SEC23A: variants seen among roughly 807,000 people sequenced by gnomAD.
SEC23A encodes SEC23 homolog A, COPII component.
Under a neutral mutation model 103.7 loss-of-function variants are expected in SEC23A, and 56 were observed. The observed-to-expected ratio is 0.54, with a 90% CI of 0.44 to 0.67. The LOEUF is 0.67. SEC23A is among the 30% of genes least tolerant of loss of function. SEC23A has a pLI of 0.00. For synonymous variants in SEC23A, 281 were observed against 293.0 expected (o/e 0.96, Z 0.42); for missense variants, 784 against 936.4 (o/e 0.84, Z 2.12).
intron 2 of SEC23A, chr14:39,095,167 T>A (rs1887841591): frequency 1.9e-6 from 1 of 521,038 alleles, no homozygotes; most frequent in Non-Finnish European, 3.4e-6. Flanking sequence ...TAGAGGTAGA[T>A]CACCCAGATT....
chr14:39,094,543 G>A (rs189459861), intron 2 of SEC23A, among the ~76,000 whole-genome samples: 12 of 149,564 alleles, frequency 8.0e-5, no homozygotes, highest in African/African-American at 2.7e-4. Flanking sequence ...GATTACAGGC[G>A]TGAGCTACTG....
chr14:39,044,394 T>C (rs1345796595), intron 16 of SEC23A, among the ~76,000 whole-genome samples: 1 of 151,988 alleles, frequency 6.6e-6, no homozygotes, highest in Non-Finnish European at 1.5e-5. Flanking sequence ...CCTAGAAAAA[T>C]AGAAACTATT....
chr14:39,047,225 A>C (rs1885869642), intron 15 of SEC23A: 1 of 305,626 alleles, frequency 3.3e-6, no homozygotes, highest in African/African-American at 2.3e-5. Flanking sequence ...CTCTCTGAAG[A>C]TCTAAAAGCC....
chr14:39,095,955 T>G lies in SEC23A; in HGVS notation c.164A>C (p.Gln55Pro). The change falls in exon 2 of 20, where the codon CAA becomes CCA. Residue 55 changes from glutamine (Q) to proline (P), a missense_variant. Physicochemically the swap from Gln to Pro is moderately conservative, Grantham distance 76. Around this residue, in one of 2 missense-constraint regions of SEC23A, gnomAD observed 683 missense variants for 774.2 expected, o/e 0.88. Coordinates refer to ENST00000307712, the MANE Select transcript of SEC23A (RefSeq NM_006364.4). ...CCTACTACACAGAACAGGTTCATAT[T>G]GAATAGGTGGTAAGTCAGGTCTCTC... ...LKERPDLPPI[Q>P]YEPVLCSRTT... 1 of 1,614,144 alleles carries G rather than the reference T, an allele frequency of 6.2e-7. No homozygotes were observed. The highest frequency in any genetic ancestry group is 8.5e-7 in the Non-Finnish European group (1 of 1,180,014).
chr14:39,094,808 G>C (rs961218296), intron 2 of SEC23A: 8 of 554,616 alleles, frequency 1.4e-5, no homozygotes, highest in Non-Finnish European at 2.5e-5. Flanking sequence ...GAGGGTAACA[G>C]GGTTAAGGTA....
chr14:39,047,532 C>T, intron 15 of SEC23A: 1 of 461,988 alleles, frequency 2.2e-6, no homozygotes, highest in Non-Finnish European at 3.3e-6. Flanking sequence ...CAGAGCAGCT[C>T]TGAAAAAGAA....
At chr14:39,045,112 T>C (rs368036142) in intron 16 of SEC23A, 51 bp downstream of exon 16, 4 of 1,521,922 alleles carry the variant, frequency 2.6e-6, no homozygotes, top group African/African-American at 1.4e-5. Flanking sequence ...ACTTTTTTAA[T>C]GCCACACATT....
intron 17 of SEC23A, 39 bp downstream of exon 17, chr14:39,042,747 A>C: frequency 5.4e-6 from 7 of 1,286,892 alleles, no homozygotes; most frequent in Non-Finnish European, 7.9e-6. Context: ...AAGTAAAAAG[A>C]CTTTACATGC....
intron 5 of SEC23A, among the ~76,000 whole-genome samples, chr14:39,089,165 C>CAAAAAAAAAAA (rs58732430): frequency 5.8e-5 from 4 of 69,334 alleles, no homozygotes; most frequent in African/African-American, 5.1e-5. Flanking sequence ...GACTCCGTGT[C>CAAAAAAAAAAA]AAAAAAAAAA....
At chr14:39,042,922 C>T (rs531626411) in intron 16 of SEC23A, 50 bp from the exon 17 acceptor site, 233 of 1,044,390 alleles carry the variant, frequency 2.2e-4, no homozygotes, top group South Asian at 2.2e-3. Context: ...AAATAATCTA[C>T]TCAATAATAT....
intron 10 of SEC23A, among the ~76,000 whole-genome samples, chr14:39,066,345 G>A (rs1886666950): frequency 6.6e-6 from 1 of 152,016 alleles, no homozygotes; most frequent in Admixed American, 6.6e-5. Flanking sequence ...AATTTAATAA[G>A]AATCAATTAG....
At position 39,048,680 on chromosome 14, in the gene SEC23A, A is replaced by G; in HGVS notation, c.1709T>C (p.Phe570Ser). 6.3e-7 allele frequency: 1 copy of G among 1,595,464 alleles called. No homozygotes were observed. The highest frequency in any genetic ancestry group is 8.6e-7 in the Non-Finnish European group (1 of 1,163,116). ...TGGATAAAGGGAGAAAGTTTCTGAA[A>G]ATCTGAAGGAACTTGGGTCATCTTT... ...YHKDDPSSFR[F>S]SETFSLYPQF... Residue 570 changes from phenylalanine to serine, a missense_variant, in exon 15 of 20, where the codon TTT becomes TCT. Phe to Ser is a radical substitution (Grantham distance 155). Around this residue, in one of 2 missense-constraint regions of SEC23A, gnomAD observed 683 missense variants for 774.2 expected, o/e 0.88. Coordinates refer to ENST00000307712, the MANE Select transcript of SEC23A (RefSeq NM_006364.4).
intron 9 of SEC23A, among the ~76,000 whole-genome samples, chr14:39,067,921 C>T (rs552455161): frequency 3.3e-5 from 5 of 152,060 alleles, no homozygotes; most frequent in African/African-American, 1.2e-4. Context: ...ATGCTCACCT[C>T]GGGCTGCCAA....
chr14:39,082,375 CATA>C (rs1297015773), intron 7 of SEC23A, among the ~76,000 whole-genome samples: 1 of 151,852 alleles, frequency 6.6e-6, no homozygotes, highest in Non-Finnish European at 1.5e-5. Context: ...TGGCATGCAT[CATA>C]ATAATAATTG....
chr14:39,077,329 G>C (rs1298271197), intron 7 of SEC23A, among the ~76,000 whole-genome samples: 4 of 150,856 alleles, frequency 2.7e-5, no homozygotes, highest in Non-Finnish European at 4.4e-5. Context: ...GGATCACAAG[G>C]TCAGGAGTTC....
intron 15 of SEC23A, among the ~76,000 whole-genome samples, chr14:39,048,002 G>C (rs1435195740): frequency 1.3e-5 from 2 of 152,114 alleles, no homozygotes; most frequent in East Asian, 1.9e-4. Flanking sequence ...TGCAAGACTA[G>C]CTAACTGGTA....
intron 1 of SEC23A, 129 bp from the exon 2 acceptor site, chr14:39,096,268 C>T (rs1434954478): frequency 7.5e-6 from 5 of 663,560 alleles, no homozygotes; most frequent in Admixed American, 2.4e-5. Context: ...CCGTGGCTCA[C>T]GCCGGTAATC....
intron 7 of SEC23A, among the ~76,000 whole-genome samples, chr14:39,082,809 T>C (rs1416356197): frequency 6.6e-6 from 1 of 152,126 alleles, no homozygotes; most frequent in African/African-American, 2.4e-5. Flanking sequence ...CTGAATCAAA[T>C]TACGAGAATA....
chr14:39,076,552 G>T (rs8007240), intron 7 of SEC23A, among the ~76,000 whole-genome samples: 1 of 150,578 alleles, frequency 6.6e-6, no homozygotes, highest in Non-Finnish European at 1.5e-5. Context: ...AGAAGCACAC[G>T]CCACTGCACC....
Sources: allele counts gnomAD v4.1 joint callset (sites outside exome capture counted in the v4.1 genomes callset), GRCh38; gene constraint gnomAD v4.1.1; regional missense constraint gnomAD v4.1.1; transcripts MANE v1.5; gene names NCBI Gene and HGNC (gene_info 2026-07-23, HGNC 2026-07-21).